Variants in SPON1 observed in about 807,000 individuals in gnomAD.
The protein encoded by SPON1 is spondin-1.
A neutral mutation model predicts 111.7 loss-of-function variants in SPON1; 52 were observed. That is an observed-to-expected ratio of 0.47 (90% confidence interval 0.37 to 0.59). The LOEUF (loss-of-function observed/expected upper bound fraction) is 0.59, where lower values mean the gene tolerates loss of function less well. SPON1 is among the 20% of genes least tolerant of loss of function. The probability of loss-of-function intolerance (pLI) is 0.00; values close to 1 mark genes in which losing one functional copy is unlikely to be tolerated. For missense variants in SPON1, 957 were observed against 1,068.5 expected (o/e 0.90, Z 1.46); for synonymous variants, 410 against 395.8 (o/e 1.04, Z -0.43).
chr11:14,093,391 G>T (rs1554923589), intron 5 of SPON1, among the ~76,000 whole-genome samples: 1 of 152,132 alleles, frequency 6.6e-6, no homozygotes, highest in African/African-American at 2.4e-5. Context: ...ACAGCTCTTG[G>T]GTTTTTGACA....
At chr11:14,065,103 G>A (rs1848821913) in intron 3 of SPON1, among the ~76,000 whole-genome samples, 1 of 152,130 alleles carries the variant, frequency 6.6e-6, no homozygotes, top group Admixed American at 6.6e-5. Context: ...TAAAGAGCAA[G>A]CATCTCCCAA....
chr11:14,197,333 A>G (rs914705123), intron 6 of SPON1, among the ~76,000 whole-genome samples: 7 of 152,126 alleles, frequency 4.6e-5, no homozygotes, highest in African/African-American at 7.2e-5. Context: ...CACTGTGCAT[A>G]GTGAGTTGTT....
chr11:14,132,368 T>C (rs1011033920), intron 5 of SPON1, among the ~76,000 whole-genome samples: 1 of 152,178 alleles, frequency 6.6e-6, no homozygotes, highest in African/African-American at 2.4e-5. Flanking sequence ...ACTTGTGTAA[T>C]TAAATTTTAT....
chr11:14,195,434 G>T (rs566676912), intron 6 of SPON1, among the ~76,000 whole-genome samples: 8 of 152,276 alleles, frequency 5.3e-5, no homozygotes, highest in Admixed American at 2.0e-4. Context: ...AAGGACAAAA[G>T]CTGGAATTAT....
intron 6 of SPON1, among the ~76,000 whole-genome samples, chr11:14,146,837 A>T (rs1239704947): frequency 2.0e-5 from 3 of 152,112 alleles, no homozygotes; most frequent in African/African-American, 7.2e-5. Flanking sequence ...GTATAATTTT[A>T]TATCAGTTGG....
At chr11:14,017,323 TA>T (rs1189807217) in intron 2 of SPON1, among the ~76,000 whole-genome samples, 27 of 151,706 alleles carry the variant, frequency 1.8e-4, no homozygotes, top group African/African-American at 5.6e-4. Flanking sequence ...CTCTTTAATT[TA>T]AAAAAAAATC....
At chr11:14,109,860 G>A (rs1298575594) in intron 5 of SPON1, among the ~76,000 whole-genome samples, 4 of 152,126 alleles carry the variant, frequency 2.6e-5, no homozygotes, top group Non-Finnish European at 5.9e-5. Context: ...TTTCTTCTCT[G>A]TGGGCAGGAA....
intron 1 of SPON1, among the ~76,000 whole-genome samples, chr11:13,981,976 T>A (rs1015917750): frequency 6.6e-6 from 1 of 152,172 alleles, no homozygotes; most frequent in African/African-American, 2.4e-5. Context: ...TACTCCCTTA[T>A]CCGAGGTTTT....
chr11:14,227,792 G>A (rs1441689154), intron 6 of SPON1, among the ~76,000 whole-genome samples: 4 of 152,142 alleles, frequency 2.6e-5, no homozygotes, highest in African/African-American at 9.7e-5. Context: ...ACACAGTTAA[G>A]CCACAGACCC....
chr11:14,263,047 C>G, intron 15 of SPON1, 72 bp downstream of exon 15: 1 of 1,208,994 alleles, frequency 8.3e-7, no homozygotes. Flanking sequence ...AAGTCTTGGA[C>G]CTGTTTAAAA....
chr11:13,986,883 G>C (rs1848189587), intron 2 of SPON1, among the ~76,000 whole-genome samples: 1 of 152,116 alleles, frequency 6.6e-6, no homozygotes, highest in Admixed American at 6.5e-5. Flanking sequence ...TCCCTGCAAA[G>C]GACATGAACT....
chr11:14,259,197 G>T lies in SPON1; in HGVS notation c.1493-83G>T. 7.0e-7 allele frequency: 1 copy of T among 1,438,210 alleles called. No individual in the cohort carries two copies. The highest frequency in any genetic ancestry group is 9.3e-7 in the Non-Finnish European group (1 of 1,079,232). The allele number at this position is 1,438,210 out of a possible 1,614,324, so 89.1% of individuals were successfully genotyped here. ...AACTGCCTGACTCCTCTTGATTCCC[G>T]CTGGCGGGAAGTTCCCACCGCGCAG... On this transcript the variant is annotated intron_variant, in intron 11 of 15. Transcript: ENST00000576479. This position sits in a 1 kb window ranked among gnomAD's most constrained non-coding sequence, Gnocchi z 5.0.
chr11:14,136,713 T>C (rs1222694221), intron 6 of SPON1, among the ~76,000 whole-genome samples: 2 of 152,182 alleles, frequency 1.3e-5, no homozygotes, highest in African/African-American at 4.8e-5. Context: ...TTCTTATTAA[T>C]TTGATTTGAA....
intron 6 of SPON1, among the ~76,000 whole-genome samples, chr11:14,166,731 T>A (rs1174683850): frequency 1.3e-5 from 2 of 152,160 alleles, no homozygotes. Context: ...TATACTAACA[T>A]TATAGAAGTT....
chr11:14,207,472 G>C (rs888342005), intron 6 of SPON1, among the ~76,000 whole-genome samples: 1 of 151,942 alleles, frequency 6.6e-6, no homozygotes, highest in Non-Finnish European at 1.5e-5. Flanking sequence ...TCCAACAAAG[G>C]TCTAATATCC....
intron 6 of SPON1, among the ~76,000 whole-genome samples, chr11:14,198,462 T>G (rs995296787): frequency 1.3e-5 from 2 of 152,236 alleles, no homozygotes; most frequent in Non-Finnish European, 2.9e-5. Context: ...CTTGGTTTGT[T>G]GCTATGGAAT....
intron 6 of SPON1, among the ~76,000 whole-genome samples, chr11:14,166,829 T>C (rs1375405612): frequency 2.0e-5 from 3 of 152,130 alleles, no homozygotes; most frequent in African/African-American, 4.8e-5. Flanking sequence ...TATTTGAAAC[T>C]TTTTCTTCTA....
rs540546008 is a variant in SPON1 at position 14,159,330 on chromosome 11, C to T, written c.825+23762C>T. Among the ~76,000 whole-genome samples the T allele has an allele frequency of 2.1e-4, 32 of 152,130 alleles. 1 individual carries two copies. In the South Asian group the frequency reaches 6.2e-3, roughly 30 times the overall value. ...AAATGCAAATCAAAACTGCAATGAG[C>T]TATTATCTCACCCCAGTTAAAATGG... On this transcript the variant is annotated intron_variant, in intron 6 of 15. Coordinates refer to ENST00000576479, the MANE Select transcript of SPON1 (RefSeq NM_006108.4).
intron 6 of SPON1, among the ~76,000 whole-genome samples, chr11:14,160,653 ATATT>A (rs1554930940): frequency 4.7e-5 from 1 of 21,388 alleles, no homozygotes; most frequent in East Asian, 1.8e-3. Flanking sequence ...ATATATTTAT[ATATT>A]TATATATATA....
Sources: allele counts gnomAD v4.1 joint callset (sites outside exome capture counted in the v4.1 genomes callset), GRCh38; gene constraint gnomAD v4.1.1; non-coding constraint Gnocchi (gnomAD v3.1); transcripts MANE v1.5; gene names NCBI Gene and HGNC (gene_info 2026-07-23, HGNC 2026-07-21).